DIP2C: variants seen among roughly 807,000 people sequenced by gnomAD.
The protein encoded by DIP2C is disco-interacting protein 2 homolog C.
Under a neutral mutation model 192.4 loss-of-function variants are expected in DIP2C, and 33 were observed. That is an observed-to-expected ratio of 0.17 (90% CI 0.13 to 0.23). The LOEUF is 0.23. Ranked by LOEUF, DIP2C falls within the 10% of genes least tolerant of loss-of-function variation. The probability of loss-of-function intolerance (pLI) is 1.00; values close to 1 mark genes in which losing one functional copy is unlikely to be tolerated. For missense variants in DIP2C, 1,537 were observed against 2,110.1 expected (o/e 0.73, Z 5.32); for synonymous variants, 979 against 864.1 (o/e 1.13, Z -2.33).
intron 33 of DIP2C, among the ~76,000 whole-genome samples, 187 bp downstream of exon 33, chr10:288,177 A>T (rs1472235909): frequency 6.6e-6 from 1 of 152,090 alleles, no homozygotes; most frequent in South Asian, 2.1e-4. Context: ...CCTAACTTTT[A>T]CCTGAGGAAA....
Position 327,140 on chromosome 10 carries a change from C to T in DIP2C, c.3790G>A (p.Val1264Met), listed in dbSNP as rs929297365. 2.5e-6 allele frequency: 4 copies of T among 1,613,978 alleles called. No homozygotes were observed. The highest frequency in any genetic ancestry group is 2.5e-6 in the Non-Finnish European group (3 of 1,180,028). ...CGAGGCCTCTCTTCCGCCACAACCA[C>T]GCAGGTCCTCACTCGGGACAAGTCC... ...GLDLSRVRTCVVVAEERPRIA... is the reference protein window; with the variant it reads ...GLDLSRVRTCMVVAEERPRIA... Residue 1264 changes from valine (V) to methionine (M), a missense_variant, in exon 31 of 37, where the codon GTG becomes ATG. Around this residue, in one of 4 missense-constraint regions of DIP2C, gnomAD observed 341 missense variants for 551.7 expected, o/e 0.62. Coordinates refer to ENST00000280886, the MANE Select transcript of DIP2C (RefSeq NM_014974.3).
chr10:640,709 A>C (rs1033477134), intron 1 of DIP2C, among the ~76,000 whole-genome samples: 2 of 127,450 alleles, frequency 1.6e-5, no homozygotes, highest in African/African-American at 7.4e-5. Flanking sequence ...GCGCGCGGGG[A>C]AGAGGCTGCG....
intron 1 of DIP2C, among the ~76,000 whole-genome samples, chr10:574,718 G>T (rs960334716): frequency 2.0e-5 from 3 of 152,146 alleles, no homozygotes; most frequent in African/African-American, 7.2e-5. Flanking sequence ...CCAGGCCCTC[G>T]AAAATCAAGG....
At position 276,969 on chromosome 10, in the gene DIP2C, A is replaced by T. The variant is rs375189563; in HGVS notation, c.*356T>A. 3 of 220,158 alleles carry T rather than the reference A, an allele frequency of 1.4e-5. No individual in the cohort carries two copies. The East Asian group carries it at 3.3e-4, about 24-fold the overall frequency. The allele number at this position is 220,158 out of a possible 1,614,324, so 13.6% of individuals were successfully genotyped here. A position where few individuals can be genotyped will look rare whatever the true frequency, so the allele number is the denominator to read the frequency against. On this transcript the variant is annotated 3_prime_UTR_variant, in exon 37 of 37. Coordinates refer to ENST00000280886, the MANE Select transcript of DIP2C (RefSeq NM_014974.3). ...TAAAAGAACCCATCTGGAGGGCAGG[A>T]TATTTTTTTAATTGCTATTTCGGCT...
At chr10:279,419 G>A (rs915304589) in intron 36 of DIP2C, among the ~76,000 whole-genome samples, 27 of 152,236 alleles carry the variant, frequency 1.8e-4, no homozygotes, top group Admixed American at 1.7e-3. Flanking sequence ...AGAGCTGGCC[G>A]AGGGTGTGCT....
At chr10:506,547 C>G (rs1287721252) in intron 1 of DIP2C, among the ~76,000 whole-genome samples, 4 of 152,144 alleles carry the variant, frequency 2.6e-5, no homozygotes, top group African/African-American at 7.2e-5. Context: ...GATGGGGACG[C>G]TGAATGATAC....
At chr10:374,392 A>G (rs61836782) in intron 17 of DIP2C, among the ~76,000 whole-genome samples, 51 of 152,296 alleles carry the variant, frequency 3.3e-4, no homozygotes, top group Non-Finnish European at 6.5e-4. Flanking sequence ...AGCACCTCAC[A>G]CTGGCTGTAT....
intron 22 of DIP2C, among the ~76,000 whole-genome samples, chr10:361,225 G>T (rs769601667): frequency 6.6e-5 from 10 of 152,094 alleles, no homozygotes; most frequent in Non-Finnish European, 1.0e-4. Flanking sequence ...ATTTAATGAA[G>T]TACATTATTA....
At chr10:630,978 A>T (rs1273934307) in intron 1 of DIP2C, 1 of 152,166 alleles carries the variant, frequency 6.6e-6, no homozygotes, top group Non-Finnish European at 1.5e-5. Flanking sequence ...GCTCTCAGGG[A>T]GCTGAGGGCT....
At chr10:286,171 G>T in intron 34 of DIP2C, 102 bp downstream of exon 34, 1 of 1,066,004 alleles carries the variant, frequency 9.4e-7, no homozygotes, top group Non-Finnish European at 1.4e-6. Context: ...TCAAACCGGT[G>T]TGTGGCAGAT....
At chr10:580,375 T>A (rs1284913383) in intron 1 of DIP2C, among the ~76,000 whole-genome samples, 1 of 152,156 alleles carries the variant, frequency 6.6e-6, no homozygotes, top group East Asian at 1.9e-4. Flanking sequence ...CACACATGTA[T>A]ATATATAAGT....
At chr10:418,010 G>C (rs1468876573) in intron 6 of DIP2C, among the ~76,000 whole-genome samples, 1 of 87,422 alleles carries the variant, frequency 1.1e-5, no homozygotes, top group African/African-American at 4.7e-5. Flanking sequence ...ACCTGTCAGG[G>C]CGCGGACAGG....
intron 16 of DIP2C, 22 bp downstream of exon 16, chr10:384,005 A>G: frequency 6.6e-7 from 1 of 1,508,604 alleles, no homozygotes; most frequent in Non-Finnish European, 8.8e-7. Context: ...CTGCCTCACG[A>G]GATCACACGC....
Position 414,739 on chromosome 10 carries a change from G to GTGTGTGTATATATATATATA in DIP2C, c.860-630_860-629insTATATATATATATACACACA. Among the ~76,000 whole-genome samples the GTGTGTGTATATATATATATA allele has an allele frequency of 2.4e-3, 217 of 90,512 alleles. 8 individuals carry two copies. The highest frequency in any genetic ancestry group is 5.2e-3 in the South Asian group (13 of 2,510). 59.4% of individuals were successfully genotyped at this position (90,512 alleles called of 152,430 possible). ...TGTGTGTGTGTGTGTGTGTGTGTGTGTACATATATATATATATAATGTGTA... is the reference window on the plus strand; with the variant it reads ...TGTGTGTGTGTGTGTGTGTGTGTGTGTGTGTGTATATATATATATATACATATATATATATATAATGTGTA... On this transcript the variant is annotated intron_variant, in intron 7 of 36. Coordinates refer to ENST00000280886, the MANE Select transcript of DIP2C (RefSeq NM_014974.3).
At chr10:593,941 T>A (rs75025476) in intron 1 of DIP2C, among the ~76,000 whole-genome samples, 3 of 152,152 alleles carry the variant, frequency 2.0e-5, no homozygotes, top group Non-Finnish European at 4.4e-5. Context: ...CAGAGCTCTG[T>A]GTAGGAGTCC....
At chr10:509,422 T>TCCCC (rs1235499789) in intron 1 of DIP2C, among the ~76,000 whole-genome samples, 1 of 151,722 alleles carries the variant, frequency 6.6e-6, no homozygotes, top group Non-Finnish European at 1.5e-5. Context: ...TCCGCGCTGC[T>TCCCC]CCCCCTCCCA....
Position 472,450 on chromosome 10 carries a change from C to T in DIP2C, c.257G>A (p.Arg86His), listed in dbSNP as rs764814763. 2.5e-6 allele frequency: 4 copies of T among 1,614,046 alleles called. No homozygotes were observed. The highest frequency in any genetic ancestry group is 1.1e-5 in the South Asian group (1 of 91,080). ...RRRSSGSRDE[R>H]YRSDVHTEAV... ...CACCCCGTGCTTACCTGACCGATAG[C>T]GCTCATCTCGTGACCCTGAAGACCG... The change falls in exon 3 of 37, where the codon CGC becomes CAC. Residue 86 changes from arginine (R) to histidine (H), a missense_variant. By Grantham distance (29) the Arg-to-His change is conservative. This residue lies in a region of DIP2C where 473 missense variants were observed against 539.6 expected (regional missense o/e 0.88). Coordinates refer to ENST00000280886, the MANE Select transcript of DIP2C (RefSeq NM_014974.3).
At chr10:410,579 T>G (rs1301254813) in intron 8 of DIP2C, among the ~76,000 whole-genome samples, 1 of 152,252 alleles carries the variant, frequency 6.6e-6, no homozygotes, top group Non-Finnish European at 1.5e-5. Flanking sequence ...TTCTTTAATG[T>G]GAACAAGATT....
chr10:477,761 G>A (rs1410167283), intron 2 of DIP2C, among the ~76,000 whole-genome samples: 4 of 96,952 alleles, frequency 4.1e-5, no homozygotes, highest in African/African-American at 9.2e-5. Context: ...AAAGGAGAGA[G>A]AAGAAAAAGG....
Sources: allele counts gnomAD v4.1 joint callset (sites outside exome capture counted in the v4.1 genomes callset), GRCh38; gene constraint gnomAD v4.1.1; regional missense constraint gnomAD v4.1.1; transcripts MANE v1.5; gene names NCBI Gene and HGNC (gene_info 2026-07-23, HGNC 2026-07-21).